DCDC2: variants seen among roughly 807,000 people sequenced by gnomAD.
The protein encoded by DCDC2 is doublecortin domain containing 2.
DCDC2 carries 40 observed loss-of-function variants against 50.2 expected under a neutral mutation model. That is an observed-to-expected ratio of 0.80 (90% CI 0.62 to 1.04). DCDC2 has a LOEUF of 1.04. Ranked by LOEUF, DCDC2 falls within the 50% of genes least tolerant of loss-of-function variation. The pLI is 0.00. For synonymous variants in DCDC2, 234 were observed against 210.6 expected (o/e 1.11, Z -0.96); for missense variants, 570 against 581.9 (o/e 0.98, Z 0.21).
At chr6:24,224,218 A>C in intron 7 of DCDC2, among the ~76,000 whole-genome samples, 1 of 148,712 alleles carries the variant, frequency 6.7e-6, no homozygotes, top group East Asian at 1.9e-4. Flanking sequence ...TCATTCATTA[A>C]TTCATTCATT....
intron 8 of DCDC2, among the ~76,000 whole-genome samples, chr6:24,198,004 A>G (rs1253086277): frequency 2.6e-5 from 4 of 152,188 alleles, no homozygotes; most frequent in Non-Finnish European, 5.9e-5. Context: ...CTATAAGCAC[A>G]TGTGAGTACG....
At chr6:24,296,621 A>G (rs191767739) in intron 4 of DCDC2, among the ~76,000 whole-genome samples, 7 of 152,320 alleles carry the variant, frequency 4.6e-5, no homozygotes, top group Non-Finnish European at 7.4e-5. Flanking sequence ...ACTTACAAGA[A>G]AAAAAACAAC....
intron 2 of DCDC2, among the ~76,000 whole-genome samples, chr6:24,316,920 T>C (rs1472626691): frequency 6.6e-6 from 1 of 151,578 alleles, no homozygotes; most frequent in Non-Finnish European, 1.5e-5. Context: ...AGAAAAATAA[T>C]GAAAAAAGCT....
At chr6:24,220,884 G>A (rs1267878130) in intron 7 of DCDC2, among the ~76,000 whole-genome samples, 1 of 146,800 alleles carries the variant, frequency 6.8e-6, no homozygotes, top group African/African-American at 2.5e-5. Context: ...GAGCGAGAGC[G>A]AGAGAGTGAG....
chr6:24,375,244 C>T, the DCDC2 span, among the ~76,000 whole-genome samples: 1 of 152,136 alleles, frequency 6.6e-6, no homozygotes, highest in Admixed American at 6.5e-5. Flanking sequence ...AAACCATATG[C>T]CCAGAGGCCC....
intron 7 of DCDC2, among the ~76,000 whole-genome samples, chr6:24,212,731 T>C (rs963108785): frequency 1.6e-4 from 24 of 152,330 alleles, no homozygotes; most frequent in African/African-American, 5.8e-4. Context: ...GACATTTTAG[T>C]GTATATTACA....
chr6:24,195,542 T>C (rs781588944), intron 8 of DCDC2, among the ~76,000 whole-genome samples: 41 of 152,174 alleles, frequency 2.7e-4, no homozygotes, highest in Admixed American at 6.5e-4. Flanking sequence ...ACCCAGCCTT[T>C]GTCCCAGAAC....
At chr6:24,373,342 C>G in the DCDC2 span, among the ~76,000 whole-genome samples, 1 of 152,184 alleles carries the variant, frequency 6.6e-6, no homozygotes, top group Admixed American at 6.6e-5. Flanking sequence ...TGATGTGGCA[C>G]CACCATAGAA....
At chr6:24,177,547 G>A (rs111856481) in intron 9 of DCDC2, among the ~76,000 whole-genome samples, 10 of 152,256 alleles carry the variant, frequency 6.6e-5, no homozygotes, top group African/African-American at 1.9e-4. Flanking sequence ...AGGAAGGGAT[G>A]GGATAAGCAG....
chr6:24,193,151 CAA>C (rs1761348016), intron 8 of DCDC2, among the ~76,000 whole-genome samples: 1 of 151,700 alleles, frequency 6.6e-6, no homozygotes, highest in Admixed American at 6.6e-5. Flanking sequence ...TACTTACAGT[CAA>C]GTTTGATTAG....
At chr6:24,244,186 A>G (rs377049275) in intron 7 of DCDC2, among the ~76,000 whole-genome samples, 1 of 152,208 alleles carries the variant, frequency 6.6e-6, no homozygotes. Context: ...AAATAAATAG[A>G]CTATGCAGCG....
At chr6:24,383,067 T>C in the DCDC2 span, among the ~76,000 whole-genome samples, 149,608 of 152,332 alleles carry the variant, frequency 0.98, 73,511 homozygotes, top group East Asian at 1. Flanking sequence ...TGGCTCATGC[T>C]TGTAATCCCA....
chr6:24,247,335 T>TA (rs29001507), intron 7 of DCDC2, among the ~76,000 whole-genome samples: 8,237 of 150,992 alleles, frequency 0.055, 286 homozygotes, highest in Middle Eastern at 0.095. Flanking sequence ...TTAACTATTT[T>TA]TATATATATA....
intron 8 of DCDC2, among the ~76,000 whole-genome samples, chr6:24,194,559 CTG>C (rs1761389991): frequency 6.6e-6 from 1 of 152,162 alleles, no homozygotes; most frequent in Non-Finnish European, 1.5e-5. Context: ...AGTTACTGGT[CTG>C]TGTTTCTGAG....
At chr6:24,374,293 A>C in the DCDC2 span, among the ~76,000 whole-genome samples, 1 of 151,840 alleles carries the variant, frequency 6.6e-6, no homozygotes, top group Non-Finnish European at 1.5e-5. Flanking sequence ...GGTAGCCAGG[A>C]GAGGTGGCTC....
At position 24,289,854 on chromosome 6, in the gene DCDC2, A is replaced by C. The variant is rs1385283478; in HGVS notation, c.705-948T>G. On this transcript the variant is annotated intron_variant, in intron 5 of 9. Transcript: ENST00000378454. ...TCTACTTCTGCGGACGACAACCAAAAAAAATTTTTTTTTGCAATGGCAAGG... is the reference window on the plus strand; with the variant it reads ...TCTACTTCTGCGGACGACAACCAAACAAAATTTTTTTTTGCAATGGCAAGG... 2.0e-5 allele frequency among the ~76,000 whole-genome samples: 3 copies of C among 152,120 alleles called. 1 individual carries two copies. The highest frequency in any genetic ancestry group is 7.2e-5 in the African/African-American group (3 of 41,426).
intron 7 of DCDC2, among the ~76,000 whole-genome samples, chr6:24,252,981 A>C (rs780989523): frequency 6.6e-6 from 1 of 152,214 alleles, no homozygotes; most frequent in Non-Finnish European, 1.5e-5. Flanking sequence ...GAAATTTCAA[A>C]ACATTTTACA....
intron 7 of DCDC2, among the ~76,000 whole-genome samples, chr6:24,237,009 C>CAAAAA (rs34576545): frequency 2.8e-5 from 4 of 143,920 alleles, no homozygotes; most frequent in Non-Finnish European, 4.5e-5. Flanking sequence ...AGCTCTGACT[C>CAAAAA]AAAAAAAAAA....
chr6:24,202,291 A>G (rs754032371), intron 8 of DCDC2, among the ~76,000 whole-genome samples: 1 of 152,240 alleles, frequency 6.6e-6, no homozygotes, highest in Non-Finnish European at 1.5e-5. Context: ...GCCACGATCA[A>G]GTCGGCTTCA....
Sources: allele counts gnomAD v4.1 joint callset (sites outside exome capture counted in the v4.1 genomes callset), GRCh38; gene constraint gnomAD v4.1.1; transcripts MANE v1.5; gene names NCBI Gene and HGNC (gene_info 2026-07-23, HGNC 2026-07-21).